The following TTLL9 variants were observed in gnomAD, a reference collection of about 807,000 sequenced individuals.
TTLL9 encodes the protein tubulin tyrosine ligase like 9.
TTLL9 carries 47 observed loss-of-function variants against 65.6 expected under a neutral mutation model. The observed-to-expected ratio is 0.72, with a 90% CI of 0.57 to 0.91. The LOEUF is 0.91. Among genes scored for constraint, TTLL9 ranks in the 40% least tolerant of loss-of-function variants. TTLL9 has a pLI of 0.00. For missense variants in TTLL9, 537 were observed against 568.8 expected (o/e 0.94, Z 0.57); for synonymous variants, 179 against 204.8 (o/e 0.87, Z 1.07).
At chr20:31,926,130 C>T (rs2063902407) in intron 10 of TTLL9, 39 bp downstream of exon 10, 1 of 1,449,800 alleles carries the variant, frequency 6.9e-7, no homozygotes, top group Non-Finnish European at 9.7e-7. Flanking sequence ...CGGGAGCTTC[C>T]AGTTTTGTGG....
At chr20:31,936,431 C>G (rs1397398007) in intron 12 of TTLL9, among the ~76,000 whole-genome samples, 1 of 151,810 alleles carries the variant, frequency 6.6e-6, no homozygotes, top group East Asian at 1.9e-4. Flanking sequence ...GATTGCACCA[C>G]TGCTCTCTAG....
chr20:31,924,863 C>A, intron 8 of TTLL9, 146 bp from the exon 9 acceptor site: 2 of 863,444 alleles, frequency 2.3e-6, no homozygotes, highest in Non-Finnish European at 3.8e-6. Flanking sequence ...AGGCATGAGG[C>A]ACCGCGCCTA....
chr20:31,888,866 T>G (rs2063237475), intron 3 of TTLL9, among the ~76,000 whole-genome samples: 1 of 152,006 alleles, frequency 6.6e-6, no homozygotes, highest in South Asian at 2.1e-4. Flanking sequence ...AAGTGAAAAC[T>G]CACTTATCAC....
chr20:31,908,634 C>A lies in TTLL9; in HGVS notation c.250C>A (p.Arg84=). 1 of 1,614,130 alleles carries A rather than the reference C, an allele frequency of 6.2e-7. No individual in the cohort carries two copies. The highest frequency in any genetic ancestry group is 8.5e-7 in the Non-Finnish European group (1 of 1,180,006). ...DFYWCDVSWL[R]ENFDHTYMDE... is the part of the protein sequence containing the mutation. The stretch of plus-strand genomic sequence containing the variant: ...CTACTGGTGTGACGTCAGCTGGCTC[C>A]GGGAGAACTTCGACCACACCTACAT... Residue 84 remains arginine (R), a synonymous_variant, in exon 5 of 15, where the codon CGG becomes AGG. Coordinates refer to ENST00000535842, the MANE Select transcript of TTLL9 (RefSeq NM_001008409.5).
chr20:31,939,115 A>G (rs2123647844), intron 13 of TTLL9, 27 bp from the exon 14 acceptor site: 2 of 1,546,598 alleles, frequency 1.3e-6, no homozygotes, highest in Non-Finnish European at 1.7e-6. Flanking sequence ...CACCTTCATT[A>G]ACCCTGTGGG....
rs1024006947 is a variant in TTLL9 at position 31,944,669 on chromosome 20, C to T, written c.*1648C>T. On this transcript the variant is annotated 3_prime_UTR_variant, in exon 15 of 15. Transcript: ENST00000535842. ...ATGTTTTAAAAGTTTCTGCATTAGTCAAAAATATTTAAAAGGAGATTCAAC... is the reference window on the plus strand; with the variant it reads ...ATGTTTTAAAAGTTTCTGCATTAGTTAAAAATATTTAAAAGGAGATTCAAC... 6.6e-5 allele frequency: 10 copies of T among 152,154 alleles called. No individual in the cohort carries two copies. The highest frequency in any genetic ancestry group is 2.4e-4 in the African/African-American group (10 of 41,434). 9.4% of individuals were successfully genotyped at this position (152,154 alleles called of 1,614,324 possible). A position where few individuals can be genotyped will look rare whatever the true frequency, so the allele number is the denominator to read the frequency against.
intron 4 of TTLL9, among the ~76,000 whole-genome samples, chr20:31,906,657 T>C (rs1039259887): frequency 6.6e-6 from 1 of 152,166 alleles, no homozygotes; most frequent in African/African-American, 2.4e-5. Flanking sequence ...CACCTTTTTT[T>C]TCTTTTTTTT....
At chr20:31,889,425 T>TG (rs1171808253) in intron 3 of TTLL9, among the ~76,000 whole-genome samples, 2 of 142,262 alleles carry the variant, frequency 1.4e-5, no homozygotes, top group African/African-American at 5.6e-5. Context: ...TGCACCTGGC[T>TG]AATTTTTTTT....
chr20:31,904,350 C>CTTTTTT (rs71185374), intron 4 of TTLL9, among the ~76,000 whole-genome samples: 32 of 81,764 alleles, frequency 3.9e-4, no homozygotes, highest in Non-Finnish European at 5.2e-4. Flanking sequence ...TTTGATAATT[C>CTTTTTT]TTTTTTTTTT....
intron 3 of TTLL9, among the ~76,000 whole-genome samples, chr20:31,897,414 T>C (rs1043689404): frequency 1.7e-4 from 26 of 152,262 alleles, no homozygotes; most frequent in Admixed American, 1.7e-3. Context: ...GTCTTTCCTT[T>C]GTCAGTCTTG....
chr20:31,922,389 C>T (rs1355795644), intron 7 of TTLL9, among the ~76,000 whole-genome samples: 1 of 152,302 alleles, frequency 6.6e-6, no homozygotes, highest in Admixed American at 6.5e-5. Context: ...CACCACCATC[C>T]GTCTCCAGAA....
At position 31,880,057 on chromosome 20, in the gene TTLL9, A is replaced by G. The variant is rs367892577; in HGVS notation, c.70-7139A>G. On this transcript the variant is annotated intron_variant, in intron 2 of 14. Transcript: ENST00000535842. ...TTGTTCTCGCGGAGGAATTCCGAAA[A>G]CAGGAAGAAAAAAAGCCGAGGAACT... Among the ~76,000 whole-genome samples, 8 of 152,070 alleles carry G rather than the reference A, an allele frequency of 5.3e-5. No individual in the cohort carries two copies. In the East Asian group the frequency reaches 1.2e-3, roughly 22 times the overall value.
chr20:31,898,353 A>G, intron 3 of TTLL9, 120 bp from the exon 4 acceptor site: 1 of 718,680 alleles, frequency 1.4e-6, no homozygotes, highest in Non-Finnish European at 2.4e-6. Flanking sequence ...TAAATTCTGA[A>G]ATACAGTGTG....
intron 4 of TTLL9, among the ~76,000 whole-genome samples, chr20:31,900,039 C>T (rs1359856450): frequency 6.6e-6 from 1 of 152,152 alleles, no homozygotes; most frequent in Non-Finnish European, 1.5e-5. Flanking sequence ...GGATTACAGG[C>T]GTGAGCCACT....
At chr20:31,919,993 G>C in intron 7 of TTLL9, 61 bp downstream of exon 7, 1 of 1,396,104 alleles carries the variant, frequency 7.2e-7, no homozygotes, top group African/African-American at 1.5e-5. Context: ...AGCAGGAGGG[G>C]CCACTCCTTC....
Position 31,944,819 on chromosome 20 carries a change from A to G in TTLL9, c.*1798A>G, listed in dbSNP as rs1395132926. On this transcript the variant is annotated 3_prime_UTR_variant, in exon 15 of 15. Transcript: ENST00000535842. ...GGACCAGGAGAGGTGTGCCCCTGCCATGCTGCCATTTGTTATCACCCGCCT... is the reference window on the plus strand; with the variant it reads ...GGACCAGGAGAGGTGTGCCCCTGCCGTGCTGCCATTTGTTATCACCCGCCT... 6.6e-6 allele frequency: 1 copy of G among 152,244 alleles called. No homozygotes were observed. Among genetic ancestry groups the G allele is most frequent in the Non-Finnish European group, 1.5e-5 (1 of 68,060 alleles). 9.4% of individuals were successfully genotyped at this position (152,244 alleles called of 1,614,324 possible).
At chr20:31,890,412 C>T (rs566012802) in intron 3 of TTLL9, among the ~76,000 whole-genome samples, 8 of 151,980 alleles carry the variant, frequency 5.3e-5, no homozygotes, top group African/African-American at 1.4e-4. Flanking sequence ...TGTTTATCCA[C>T]ATTGGCACCT....
chr20:31,939,392 G>A, intron 14 of TTLL9, 126 bp downstream of exon 14: 1 of 1,173,646 alleles, frequency 8.5e-7, no homozygotes, highest in East Asian at 2.9e-5. Context: ...CCAGCTGTGT[G>A]ACCTTGGGCA....
At chr20:31,921,428 A>T (rs565467144) in intron 7 of TTLL9, among the ~76,000 whole-genome samples, 1 of 152,314 alleles carries the variant, frequency 6.6e-6, no homozygotes, top group South Asian at 2.1e-4. Flanking sequence ...TTCCTCAGGG[A>T]TCTAGAACTA....
Sources: allele counts gnomAD v4.1 joint callset (sites outside exome capture counted in the v4.1 genomes callset), GRCh38; gene constraint gnomAD v4.1.1; transcripts MANE v1.5; gene names NCBI Gene and HGNC (gene_info 2026-07-23, HGNC 2026-07-21).